Variants in ROCK1 observed in about 807,000 individuals in gnomAD.
ROCK1 encodes rho-associated protein kinase 1.
In ROCK1, 36 loss-of-function variants were observed where a neutral mutation model predicts 196.8. That is an observed-to-expected ratio of 0.18 (90% CI 0.14 to 0.24). The LOEUF (loss-of-function observed/expected upper bound fraction) is 0.24, where lower values mean the gene tolerates loss of function less well. Among genes scored for constraint, ROCK1 ranks in the 10% least tolerant of loss-of-function variants. The pLI, the probability that ROCK1 is intolerant of heterozygous loss-of-function variation, is 1.00. For missense variants in ROCK1, 920 were observed against 1,562.0 expected, an observed-to-expected ratio of 0.59 and a Z score of 6.93; for synonymous variants, 443 against 515.9, an observed-to-expected ratio of 0.86 and a Z score of 1.91.
At chr18:21,106,146 T>C (rs915247245) in intron 1 of ROCK1, among the ~76,000 whole-genome samples, 15 of 152,314 alleles carry the variant, frequency 9.8e-5, no homozygotes, top group African/African-American at 3.4e-4. Flanking sequence ...CGCTCACCCG[T>C]TGCTACACCT....
chr18:21,091,093 C>T (rs116468469), intron 1 of ROCK1, among the ~76,000 whole-genome samples: 46 of 151,252 alleles, frequency 3.0e-4, no homozygotes, highest in African/African-American at 1.1e-3. Flanking sequence ...GCCTCTCTTG[C>T]CTCCCCTTCC....
intron 27 of ROCK1, among the ~76,000 whole-genome samples, chr18:20,964,077 G>A (rs1403607841): frequency 6.6e-6 from 1 of 151,906 alleles, no homozygotes; most frequent in African/African-American, 2.4e-5. Context: ...ACTGAATGAT[G>A]AAATATAAGA....
At chr18:20,980,915 C>CA (rs570087798) in intron 21 of ROCK1, among the ~76,000 whole-genome samples, 2,054 of 55,290 alleles carry the variant, frequency 0.037, 36 homozygotes, top group East Asian at 0.048. Flanking sequence ...GATTCCATCT[C>CA]AAAAAAAAAA....
intron 2 of ROCK1, among the ~76,000 whole-genome samples, chr18:21,064,459 G>T (rs2036317404): frequency 6.6e-6 from 1 of 152,174 alleles, no homozygotes; most frequent in Non-Finnish European, 1.5e-5. Context: ...CCATGAGATG[G>T]TAAGAGCTAC....
chr18:21,007,545 T>G (rs2035778758), intron 14 of ROCK1, among the ~76,000 whole-genome samples: 1 of 152,188 alleles, frequency 6.6e-6, no homozygotes, highest in African/African-American at 2.4e-5. Context: ...ATATATCAGT[T>G]TGCAGTAGGA....
At chr18:20,961,738 T>C in intron 27 of ROCK1, among the ~76,000 whole-genome samples, 1 of 151,964 alleles carries the variant, frequency 6.6e-6, no homozygotes, top group East Asian at 1.9e-4. Flanking sequence ...CCTCTTCATA[T>C]AAATTGTTAA....
intron 22 of ROCK1, among the ~76,000 whole-genome samples, chr18:20,978,608 G>A (rs2035501987): frequency 6.6e-6 from 1 of 152,172 alleles, no homozygotes; most frequent in South Asian, 2.1e-4. Flanking sequence ...AGGAGCTCTA[G>A]ATACAACTAC....
Position 21,092,018 on chromosome 18 carries a change from G to T in ROCK1, c.93+18800C>A, listed in dbSNP as rs577828277. ...AATAAAAAACTGTTAAATTTGGGGA[G>T]GAGTCAAAGTTACATGCAGATTTTC... is the stretch of plus-strand genomic sequence containing the variant. On this transcript the variant is annotated intron_variant, in intron 1 of 32. Coordinates refer to ENST00000399799, the MANE Select transcript of ROCK1 (RefSeq NM_005406.3). Among the ~76,000 whole-genome samples, 3 of 152,178 alleles carry T rather than the reference G, an allele frequency of 2.0e-5. No homozygotes were observed. The South Asian group carries it at 6.2e-4, about 32-fold the overall frequency.
chr18:21,065,970 T>A (rs147590147), intron 2 of ROCK1, among the ~76,000 whole-genome samples: 45 of 152,324 alleles, frequency 3.0e-4, no homozygotes, highest in African/African-American at 9.9e-4. Flanking sequence ...TGACTTAAGC[T>A]GAATTTTTTA....
At chr18:21,032,670 C>A (rs932867291) in intron 9 of ROCK1, among the ~76,000 whole-genome samples, 4 of 149,808 alleles carry the variant, frequency 2.7e-5, no homozygotes, top group African/African-American at 1.0e-4. Flanking sequence ...TAGGAGTGCA[C>A]CACCATGCCT....
At chr18:21,045,601 TA>T in intron 4 of ROCK1, 134 bp from the exon 5 acceptor site, 1 of 686,856 alleles carries the variant, frequency 1.5e-6, no homozygotes, top group African/African-American at 1.8e-5. Context: ...AGTCTAGTTT[TA>T]AAAAAAGACA....
intron 2 of ROCK1, 91 bp from the exon 3 acceptor site, chr18:21,049,971 T>A: frequency 1.7e-6 from 1 of 585,018 alleles, no homozygotes; most frequent in Non-Finnish European, 2.8e-6. Flanking sequence ...AGAAACACAA[T>A]GAAAAACAAC....
chr18:21,066,427 T>C (rs2036335113), intron 2 of ROCK1, among the ~76,000 whole-genome samples: 1 of 152,180 alleles, frequency 6.6e-6, no homozygotes, highest in Non-Finnish European at 1.5e-5. Context: ...GATTACTAAA[T>C]GAGCATTAAA....
At chr18:20,956,103 T>G (rs544682325) in intron 29 of ROCK1, among the ~76,000 whole-genome samples, 1 of 152,168 alleles carries the variant, frequency 6.6e-6, no homozygotes, top group Admixed American at 6.6e-5. Context: ...GGCGATGACA[T>G]GATTGTATGC....
Position 21,111,340 on chromosome 18 carries a change from G to A in ROCK1, c.-430C>T, listed in dbSNP as rs1033918777. The stretch of plus-strand genomic sequence containing the variant: ...ACAAGGGAGGGAGAAGAGGAAAGGC[G>A]AAAGCAAAGGGCGGGTGAGGAGCTG... On this transcript the variant is annotated 5_prime_UTR_variant, in exon 1 of 33. Coordinates refer to ENST00000399799, the MANE Select transcript of ROCK1 (RefSeq NM_005406.3). This position sits in a 1 kb window ranked among gnomAD's most constrained non-coding sequence, Gnocchi z 4.2. 6.7e-6 allele frequency: 3 copies of A among 446,390 alleles called. No homozygotes were observed. Among genetic ancestry groups the A allele is most frequent in the Admixed American group, 3.9e-5 (1 of 25,658 alleles). 27.7% of individuals were successfully genotyped at this position (446,390 alleles called of 1,614,324 possible).
chr18:20,979,797 A>G, intron 22 of ROCK1, 113 bp downstream of exon 22: 2 of 1,272,026 alleles, frequency 1.6e-6, no homozygotes, highest in Non-Finnish European at 2.1e-6. Flanking sequence ...TTAGCCCAAT[A>G]AACTGTGTTC....
chr18:21,053,385 C>T (rs1191094000), intron 2 of ROCK1, among the ~76,000 whole-genome samples: 1 of 151,786 alleles, frequency 6.6e-6, no homozygotes, highest in Non-Finnish European at 1.5e-5. Flanking sequence ...CTGTTGCTGT[C>T]CTATGAGTCA....
intron 4 of ROCK1, among the ~76,000 whole-genome samples, chr18:21,046,405 C>A (rs1437306927): frequency 6.6e-6 from 1 of 152,168 alleles, no homozygotes; most frequent in East Asian, 1.9e-4. Context: ...ATAAACTAAT[C>A]CATAAAGTAA....
intron 21 of ROCK1, among the ~76,000 whole-genome samples, chr18:20,981,783 G>C (rs564011215): frequency 6.6e-6 from 1 of 152,238 alleles, no homozygotes; most frequent in African/African-American, 2.4e-5. Context: ...GCTTACTCTA[G>C]GTTAAGTATT....
Sources: gnomAD v4.1 joint callset for allele counts (sites outside exome capture counted in the v4.1 genomes callset) on GRCh38, gnomAD v4.1.1 for gene constraint, Gnocchi (gnomAD v3.1) non-coding constraint, MANE v1.5 for transcripts, NCBI Gene and HGNC (gene_info 2026-07-23, HGNC 2026-07-21) for gene names.